RORA: variants seen among roughly 807,000 people sequenced by gnomAD.
The protein encoded by RORA is nuclear receptor ROR-alpha.
Under a neutral mutation model 69.5 loss-of-function variants are expected in RORA, and 7 were observed. The ratio of observed to expected loss-of-function variants is 0.10; its 90% CI spans 0.06 to 0.19. The LOEUF (loss-of-function observed/expected upper bound fraction) is 0.19. Among genes scored for constraint, RORA ranks in the 10% least tolerant of loss-of-function variants. The probability of loss-of-function intolerance (pLI) is 1.00; values close to 1 mark genes in which losing one functional copy is unlikely to be tolerated. For missense variants in RORA, 457 were observed against 663.0 expected, an observed-to-expected ratio of 0.69 and a Z score of 3.41; for synonymous variants, 261 against 240.8, an observed-to-expected ratio of 1.08 and a Z score of -0.78.
intron 2 of RORA, among the ~76,000 whole-genome samples, chr15:60,602,766 C>T (rs340029): frequency 0.69 from 105,687 of 152,090 alleles, 37,580 homozygotes; most frequent in East Asian, 0.91. Context: ...CAGATCTCAG[C>T]TTTTTAATCT....
intron 1 of RORA, chr15:61,181,239 C>A (rs974304447): frequency 6.6e-6 from 1 of 151,966 alleles, no homozygotes; most frequent in African/African-American, 2.4e-5. Context: ...AGAAATCCAG[C>A]ATGTGTGTCT....
chr15:60,815,691 T>C (rs982898150), intron 1 of RORA, among the ~76,000 whole-genome samples: 2 of 134,302 alleles, frequency 1.5e-5, no homozygotes, highest in East Asian at 2.5e-4. Flanking sequence ...CCGGCTCCCC[T>C]TGGCTCTTCA....
intron 1 of RORA, among the ~76,000 whole-genome samples, chr15:60,933,012 G>GC (rs1566914421): frequency 6.6e-6 from 1 of 151,990 alleles, no homozygotes; most frequent in South Asian, 2.1e-4. Context: ...TTTCCAGGTT[G>GC]CCCCCCACAG....
intron 1 of RORA, among the ~76,000 whole-genome samples, chr15:61,094,821 G>A: frequency 6.6e-6 from 1 of 152,210 alleles, no homozygotes; most frequent in Non-Finnish European, 1.5e-5. Context: ...ACCTTAGGTA[G>A]AAGAACAACA....
In RORA at chr15:61,213,596, T is replaced by C. The variant is rs2080012371; in HGVS notation, c.166+15457A>G. On this transcript the variant is annotated intron_variant, in intron 1 of 10. Coordinates refer to ENST00000335670, the MANE Select transcript of RORA (RefSeq NM_134261.3). The surrounding 1 kb of genome is among the most constrained non-coding windows in gnomAD (Gnocchi z 4.1). ...CAGCCTGGAATGCCCTGTCACTTTTTGCCAAAAGAATCTCCTCATTTTTCT... is the reference window on the plus strand; with the variant it reads ...CAGCCTGGAATGCCCTGTCACTTTTCGCCAAAAGAATCTCCTCATTTTTCT... Among the ~76,000 whole-genome samples, 1 of 152,136 alleles carries C rather than the reference T, an allele frequency of 6.6e-6. No individual in the cohort carries two copies. Among genetic ancestry groups the C allele is most frequent in the African/African-American group, 2.4e-5 (1 of 41,418 alleles).
intron 1 of RORA, among the ~76,000 whole-genome samples, chr15:61,223,535 G>A (rs1483909806): frequency 6.9e-6 from 1 of 145,928 alleles, no homozygotes; most frequent in Non-Finnish European, 1.5e-5. Context: ...AAGAAAGAAA[G>A]AAAACAATTT....
At position 60,569,617 on chromosome 15, in the gene RORA, CAATT is replaced by C. The variant is rs1437169052; in HGVS notation, c.197-37770_197-37767del. ...ACAGGGCAACAGCAAAGAAAAATGACAATTAGTCTCCTCATTCAGTAAATAATGA... is the reference window on the plus strand; with the variant it reads ...ACAGGGCAACAGCAAAGAAAAATGACAGTCTCCTCATTCAGTAAATAATGA... On this transcript the variant is annotated intron_variant, in intron 2 of 10. Coordinates refer to ENST00000335670, the MANE Select transcript of RORA (RefSeq NM_134261.3). Among the ~76,000 whole-genome samples the C allele has an allele frequency of 3.3e-5, 5 of 152,096 alleles. No individual in the cohort carries two copies. The East Asian group carries it at 9.6e-4, about 29-fold the overall frequency.
intron 1 of RORA, among the ~76,000 whole-genome samples, chr15:60,898,827 T>C (rs1269540934): frequency 2.6e-5 from 4 of 152,174 alleles, no homozygotes; most frequent in African/African-American, 7.2e-5. Context: ...AGAATATCTA[T>C]TCAAAATGAC....
chr15:60,591,185 C>A (rs2068492917), intron 2 of RORA, among the ~76,000 whole-genome samples: 1 of 152,240 alleles, frequency 6.6e-6, no homozygotes, highest in Non-Finnish European at 1.5e-5. Context: ...ATTAGGGAAG[C>A]CGCGTCCGCC....
At chr15:60,918,405 T>C (rs1389278718) in intron 1 of RORA, among the ~76,000 whole-genome samples, 1 of 152,228 alleles carries the variant, frequency 6.6e-6, no homozygotes, top group Non-Finnish European at 1.5e-5. Context: ...ACCATGTCAT[T>C]CATGTTTATT....
intron 1 of RORA, among the ~76,000 whole-genome samples, chr15:60,975,702 A>G (rs1489675905): frequency 6.6e-6 from 1 of 152,200 alleles, no homozygotes; most frequent in Non-Finnish European, 1.5e-5. Flanking sequence ...GTGAGGAGTC[A>G]GAGGATGAAG....
intron 2 of RORA, chr15:60,650,733 G>A (rs1004705385): frequency 6.6e-6 from 1 of 152,184 alleles, no homozygotes; most frequent in African/African-American, 2.4e-5. Flanking sequence ...TTAGTACATG[G>A]TTGAATTTCC....
intron 1 of RORA, among the ~76,000 whole-genome samples, chr15:60,898,257 G>T (rs1891286018): frequency 6.6e-6 from 1 of 152,210 alleles, no homozygotes; most frequent in Non-Finnish European, 1.5e-5. Flanking sequence ...GTGTGGGGCA[G>T]GGTCAGGATG....
intron 1 of RORA, among the ~76,000 whole-genome samples, chr15:61,185,491 T>C (rs1041802689): frequency 6.6e-6 from 1 of 152,212 alleles, no homozygotes; most frequent in Non-Finnish European, 1.5e-5. Context: ...TTTTCCTTGA[T>C]TGCCCCGACA....
chr15:61,192,359 C>T (rs570331099), intron 1 of RORA, among the ~76,000 whole-genome samples: 1 of 152,314 alleles, frequency 6.6e-6, no homozygotes, highest in South Asian at 2.1e-4. Context: ...TACAAGGGAT[C>T]CAGCATACTC....
At chr15:60,590,175 A>ATCTC (rs56192812) in intron 2 of RORA, among the ~76,000 whole-genome samples, 32,737 of 146,692 alleles carry the variant, frequency 0.22, 4,001 homozygotes, top group East Asian at 0.46. Context: ...CTCTTCCTCT[A>ATCTC]TCTCTCTCTC....
chr15:60,776,639 G>A (rs1197422213), intron 1 of RORA, among the ~76,000 whole-genome samples: 1 of 152,180 alleles, frequency 6.6e-6, no homozygotes, highest in African/African-American at 2.4e-5. Flanking sequence ...ATTGAGCCGT[G>A]GCTGTAAAAG....
rs116716700 is a variant in RORA at position 60,935,718 on chromosome 15, T to A, written c.167-257032A>T. The stretch of plus-strand genomic sequence containing the variant: ...CCATACATAAAGTTACCAGTCCAGA[T>A]AAATAAAACATCAGACTCAAATTGG... On this transcript the variant is annotated intron_variant, in intron 1 of 10. Transcript: ENST00000335670. Among the ~76,000 whole-genome samples the A allele has an allele frequency of 7.1e-3, 1,083 of 152,270 alleles. 18 individuals carry two copies. The highest frequency in any genetic ancestry group is 0.025 in the African/African-American group (1,024 of 41,552).
chr15:60,886,127 G>C (rs963065860), intron 1 of RORA, among the ~76,000 whole-genome samples: 1 of 152,160 alleles, frequency 6.6e-6, no homozygotes, highest in Non-Finnish European at 1.5e-5. Context: ...AAGTCCTTCA[G>C]TAGCCGAGAA....
Sources: allele counts gnomAD v4.1 joint callset (sites outside exome capture counted in the v4.1 genomes callset), GRCh38; gene constraint gnomAD v4.1.1; non-coding constraint Gnocchi (gnomAD v3.1); transcripts MANE v1.5; gene names NCBI Gene and HGNC (gene_info 2026-07-23, HGNC 2026-07-21).